Variants in ANKRD6 observed in about 807,000 individuals in gnomAD.
ANKRD6 encodes the protein ankyrin repeat domain 6.
ANKRD6 carries 56 observed loss-of-function variants against 82.3 expected under a neutral mutation model. The observed-to-expected ratio is 0.68, with a 90% CI of 0.55 to 0.85. ANKRD6 has a LOEUF of 0.85. Ranked by LOEUF, ANKRD6 falls within the 40% of genes least tolerant of loss-of-function variation. The pLI, the probability that ANKRD6 is intolerant of heterozygous loss-of-function variation, is 0.00. For synonymous variants in ANKRD6, 347 were observed against 352.1 expected (o/e 0.99, Z 0.16); for missense variants, 852 against 907.6 (o/e 0.94, Z 0.79).
rs562528745 is a variant in ANKRD6 at position 89,614,606 on chromosome 6, A to G, written c.615+716A>G. ...GGTTGCAGTGAACCGAGATCATGCTACTGTACTACAACCTGGGCAACAGAG... is the reference window on the plus strand; with the variant it reads ...GGTTGCAGTGAACCGAGATCATGCTGCTGTACTACAACCTGGGCAACAGAG... On this transcript the variant is annotated intron_variant, in intron 7 of 15. Coordinates refer to ENST00000339746, the MANE Select transcript of ANKRD6 (RefSeq NM_001242809.2). Among the ~76,000 whole-genome samples, 6 of 152,294 alleles carry G rather than the reference A, an allele frequency of 3.9e-5. No homozygotes were observed. In the South Asian group the frequency reaches 8.3e-4, roughly 21 times the overall value.
At chr6:89,462,007 G>T (rs773087393) in intron 1 of ANKRD6, among the ~76,000 whole-genome samples, 8 of 152,036 alleles carry the variant, frequency 5.3e-5, no homozygotes, top group Non-Finnish European at 1.0e-4. Context: ...CAAGGTGGGC[G>T]GATCACCTGA....
chr6:89,603,238 C>T (rs971676279), intron 4 of ANKRD6, 111 bp downstream of exon 4: 73 of 810,568 alleles, frequency 9.0e-5, no homozygotes, highest in Middle Eastern at 4.9e-4. Flanking sequence ...ATTATAATTC[C>T]TGTCTTACCA....
intron 1 of ANKRD6, among the ~76,000 whole-genome samples, chr6:89,534,519 A>AT (rs575098882): frequency 3.2e-4 from 48 of 151,722 alleles, no homozygotes; most frequent in East Asian, 1.6e-3. Flanking sequence ...TCATAAAGTG[A>AT]TTTTTTTTTG....
intron 10 of ANKRD6, 105 bp from the exon 11 acceptor site, chr6:89,623,305 G>A (rs930493210): frequency 8.3e-5 from 117 of 1,407,288 alleles, no homozygotes; most frequent in Middle Eastern, 7.4e-4. Context: ...AAAGGTTCTC[G>A]TGGGTCCCTT....
chr6:89,621,891 T>TG (rs771014336), intron 9 of ANKRD6, 31 bp from the exon 10 acceptor site: 25 of 1,598,728 alleles, frequency 1.6e-5, no homozygotes, highest in Non-Finnish European at 2.1e-5. Flanking sequence ...CGCACACCAG[T>TG]GGTTGTAACA....
intron 1 of ANKRD6, among the ~76,000 whole-genome samples, chr6:89,434,208 A>G (rs1424748834): frequency 6.6e-6 from 1 of 151,558 alleles, no homozygotes; most frequent in African/African-American, 2.4e-5. Flanking sequence ...AGTTTTTAGA[A>G]CTCTAAACTG....
intron 5 of ANKRD6, among the ~76,000 whole-genome samples, chr6:89,606,525 G>C (rs1471815713): frequency 6.6e-6 from 1 of 152,074 alleles, no homozygotes; most frequent in African/African-American, 2.4e-5. Context: ...GCCACCTTTG[G>C]GAGACAATTT....
At chr6:89,571,638 C>T (rs1444062895) in intron 2 of ANKRD6, among the ~76,000 whole-genome samples, 1 of 152,092 alleles carries the variant, frequency 6.6e-6, no homozygotes, top group Admixed American at 6.5e-5. Context: ...TTTAGATTCA[C>T]AGCAAAATTG....
In ANKRD6 at chr6:89,616,626, A is replaced by T; in HGVS notation, c.683A>T (p.Glu228Val). The T allele has an allele frequency of 6.2e-7, 1 of 1,614,042 alleles. No individual in the cohort carries two copies. The highest frequency in any genetic ancestry group is 8.5e-7 in the Non-Finnish European group (1 of 1,179,892). The change falls in exon 8 of 16, where the codon GAA becomes GTA. Residue 228 changes from glutamate (E) to valine (V), a missense_variant. By Grantham distance (121) the Glu-to-Val change is moderately radical. Coordinates refer to ENST00000339746, the MANE Select transcript of ANKRD6 (RefSeq NM_001242809.2). ...NHKKVAKILL[E>V]AGADTTIVNN... ...AAGAAGGTGGCCAAAATCTTACTGG[A>T]AGCCGGAGCAGATACGACCATTGTT...
At chr6:89,580,459 A>C (rs1306720235) in intron 2 of ANKRD6, among the ~76,000 whole-genome samples, 1 of 152,122 alleles carries the variant, frequency 6.6e-6, no homozygotes, top group Admixed American at 6.5e-5. Flanking sequence ...TGTTTTCAGA[A>C]ATGAAGAGGA....
chr6:89,624,198 C>G (rs1436430600), intron 12 of ANKRD6, 141 bp downstream of exon 12: 3 of 978,138 alleles, frequency 3.1e-6, no homozygotes, highest in South Asian at 1.7e-5. Flanking sequence ...AGATGGCCTC[C>G]CCACCTGCAC....
intron 2 of ANKRD6, among the ~76,000 whole-genome samples, chr6:89,590,715 G>C (rs531147945): frequency 8.5e-5 from 13 of 152,248 alleles, no homozygotes; most frequent in African/African-American, 2.9e-4. Flanking sequence ...GCAGCACACA[G>C]AGTGGTAGGG....
chr6:89,488,233 A>C (rs1777590289), intron 1 of ANKRD6, among the ~76,000 whole-genome samples: 1 of 152,244 alleles, frequency 6.6e-6, no homozygotes, highest in Non-Finnish European at 1.5e-5. Flanking sequence ...TGTTCTCAGC[A>C]GTCCACCCAC....
At chr6:89,533,127 G>A (rs7773134) in intron 1 of ANKRD6, among the ~76,000 whole-genome samples, 41,326 of 151,748 alleles carry the variant, frequency 0.27, 6,148 homozygotes, top group Non-Finnish European at 0.34. Context: ...CACCTCCCTC[G>A]GCCTCCCAAA....
At chr6:89,457,533 T>A (rs1773632323) in intron 1 of ANKRD6, among the ~76,000 whole-genome samples, 1 of 152,232 alleles carries the variant, frequency 6.6e-6, no homozygotes, top group Non-Finnish European at 1.5e-5. Flanking sequence ...ATTTTTATGC[T>A]TAATCTCTCT....
Position 89,547,576 on chromosome 6 carries a change from C to T in ANKRD6, c.-143-19258C>T, listed in dbSNP as rs534980740. Among the ~76,000 whole-genome samples the T allele has an allele frequency of 7.2e-5, 11 of 152,190 alleles. No homozygotes were observed. The South Asian group carries it at 1.0e-3, about 14-fold the overall frequency. The stretch of plus-strand genomic sequence containing the variant: ...TGCTTGGCAGCGCACCAGCGGGGCT[C>T]GGGAAACAACTCTTGCCATCCCCTC... On this transcript the variant is annotated intron_variant, in intron 1 of 15. Transcript: ENST00000339746.
intron 8 of ANKRD6, 153 bp downstream of exon 8, chr6:89,616,810 A>ACC: frequency 1.3e-6 from 1 of 785,132 alleles, no homozygotes; most frequent in South Asian, 1.5e-5. Flanking sequence ...ATTGGGGTGG[A>ACC]CTTGAAGGGT....
At chr6:89,465,119 A>G (rs1378959190) in intron 1 of ANKRD6, among the ~76,000 whole-genome samples, 2 of 146,756 alleles carry the variant, frequency 1.4e-5, no homozygotes, top group Non-Finnish European at 3.0e-5. Context: ...ACATTGCTTT[A>G]ATTTTTTTTT....
At chr6:89,556,360 A>C (rs1786600503) in intron 1 of ANKRD6, among the ~76,000 whole-genome samples, 1 of 152,260 alleles carries the variant, frequency 6.6e-6, no homozygotes, top group Admixed American at 6.5e-5. Context: ...AGTCAAGTTA[A>C]AGAAATCCCA....
Sources: gnomAD v4.1 joint callset for allele counts (sites outside exome capture counted in the v4.1 genomes callset) on GRCh38, gnomAD v4.1.1 for gene constraint, MANE v1.5 for transcripts, NCBI Gene and HGNC (gene_info 2026-07-23, HGNC 2026-07-21) for gene names.